The following IRF2BP1 variants were observed in gnomAD, a reference collection of about 807,000 sequenced individuals.
The protein encoded by IRF2BP1 is interferon regulatory factor 2 binding protein 1.
A neutral mutation model predicts 38.6 loss-of-function variants in IRF2BP1; 9 were observed. The ratio of observed to expected loss-of-function variants is 0.23; its 90% CI spans 0.14 to 0.41. The LOEUF is 0.41. Among genes scored for constraint, IRF2BP1 ranks in the 10% least tolerant of loss-of-function variants. The probability of loss-of-function intolerance (pLI) is 1.00; values close to 1 mark genes in which losing one functional copy is unlikely to be tolerated. For synonymous variants in IRF2BP1, 416 were observed against 383.4 expected (o/e 1.08, Z -0.99); for missense variants, 631 against 829.6 (o/e 0.76, Z 2.94).
In IRF2BP1 at chr19:45,884,373, G is replaced by A. The variant is rs768681350; in HGVS notation, c.1402C>T (p.Leu468Phe). 1 of 1,606,788 alleles carries A rather than the reference G, an allele frequency of 6.2e-7. No homozygotes were observed. The highest frequency in any genetic ancestry group is 2.2e-5 in the East Asian group (1 of 44,798). Residue 468 changes from leucine (L) to phenylalanine (F), a missense_variant, in exon 1 of 1, where the codon CTT becomes TTT. By Grantham distance (22) the Leu-to-Phe change is conservative. Transcript: ENST00000302165. ...STAQPPTQHR[L>F]VARNGEAEVS... ...TCTGCTTCGCCGTTGCGGGCCACAA[G>A]GCGATGCTGGGTTGGCGGCTGGGCC...
rs1270875208 is a variant in IRF2BP1 at position 45,885,863 on chromosome 19, G to A, written c.-89C>T. ...GCCAACGTTCGATCCGCGTCCCGGG[G>A]ACAGCGCGAGCCACGGTCCGGCCTC... On this transcript the variant is annotated 5_prime_UTR_variant, in exon 1 of 1. Transcript: ENST00000302165. 3 of 1,365,244 alleles carry A rather than the reference G, an allele frequency of 2.2e-6. No individual in the cohort carries two copies. The highest frequency in any genetic ancestry group is 3.0e-5 in the East Asian group (1 of 32,794). 84.6% of individuals were successfully genotyped at this position (1,365,244 alleles called of 1,614,324 possible). A position where few individuals can be genotyped will look rare whatever the true frequency, so the allele number is the denominator to read the frequency against.
Position 45,885,292 on chromosome 19 carries a change from C to G in IRF2BP1, c.483G>C (p.Leu161Phe). 6.2e-7 allele frequency: 1 copy of G among 1,603,750 alleles called. No homozygotes were observed. Among genetic ancestry groups the G allele is most frequent in the Non-Finnish European group, 8.5e-7 (1 of 1,179,892 alleles). The change falls in exon 1 of 1, where the codon TTG becomes TTC. Residue 161 changes from leucine to phenylalanine, a missense_variant. Leu to Phe is a conservative substitution (Grantham distance 22, BLOSUM62 0). Transcript: ENST00000302165. ...CAGCTGCCAGCAGCCCAGGGGGCAT[C>G]AAGCCAGGCATGGAGCCAAGCAAGG... Reference protein sequence around the residue: ...RRALLGSMPGLMPPGLLAAAV... With the variant: ...RRALLGSMPGFMPPGLLAAAV...
chr19:45,885,365 G>A lies in IRF2BP1; in HGVS notation c.410C>T (p.Ala137Val), dbSNP rs200902847. 6.1e-5 allele frequency: 98 copies of A among 1,608,770 alleles called. No homozygotes were observed. Among genetic ancestry groups the A allele is most frequent in the Non-Finnish European group, 7.1e-5 (84 of 1,179,536 alleles). Reference protein sequence around the residue: ...ALEYTLGSRLANGLGREEAVA... With the variant: ...ALEYTLGSRLVNGLGREEAVA... Reference sequence around the variant, plus strand: ...GGCCTCCTCACGGCCCAGCCCATTGGCCAGGCGGGACCCCAGAGTGTACTC... The same window carrying A: ...GGCCTCCTCACGGCCCAGCCCATTGACCAGGCGGGACCCCAGAGTGTACTC... The change falls in exon 1 of 1, where the codon GCC becomes GTC. Residue 137 changes from alanine (A) to valine (V), a missense_variant. Ala to Val is a moderately conservative substitution (Grantham distance 64, BLOSUM62 0). Around this residue, in one of 5 missense-constraint regions of IRF2BP1, gnomAD observed 206 missense variants for 207.0 expected, o/e 1.00. Transcript: ENST00000302165.
chr19:45,885,265 T>C lies in IRF2BP1; in HGVS notation c.510A>G (p.Ala170=), dbSNP rs1967039686. 1 of 1,603,114 alleles carries C rather than the reference T, an allele frequency of 6.2e-7. No homozygotes were observed. The highest frequency in any genetic ancestry group is 8.5e-7 in the Non-Finnish European group (1 of 1,179,894). Residue 170 remains alanine, a synonymous_variant, in exon 1 of 1, where the codon GCA becomes GCG. Coordinates refer to ENST00000302165, the MANE Select transcript of IRF2BP1 (RefSeq NM_015649.3). ...GLMPPGLLAA[A]VSGLGSRGLT... ...GGCCTCGGCTTCCCAGGCCAGACAC[T>C]GCAGCTGCCAGCAGCCCAGGGGGCA...
Position 45,884,440 on chromosome 19 carries a change from C to G in IRF2BP1, c.1335G>C (p.Gly445=). 1 of 1,595,794 alleles carries G rather than the reference C, an allele frequency of 6.3e-7. No homozygotes were observed. The highest frequency in any genetic ancestry group is 8.5e-7 in the Non-Finnish European group (1 of 1,176,736). The change falls in exon 1 of 1, where the codon GGG becomes GGC. Residue 445 remains glycine, a synonymous_variant. Coordinates refer to ENST00000302165, the MANE Select transcript of IRF2BP1 (RefSeq NM_015649.3). Reference sequence around the variant, plus strand: ...GGCTGGCGCCCCCTGCACGCACAGGCCCCCCGCCTCCGCCAGGGTCCTTGG... The same window carrying G: ...GGCTGGCGCCCCCTGCACGCACAGGGCCCCCGCCTCCGCCAGGGTCCTTGG... The part of the protein sequence containing the change: ...HSPKDPGGGG[G]PVRAGGASPA...
In IRF2BP1 at chr19:45,885,336, C is replaced by T. The variant is rs1427888130; in HGVS notation, c.439G>A (p.Ala147Thr). 2.5e-6 allele frequency: 4 copies of T among 1,607,238 alleles called. No individual in the cohort carries two copies. Among genetic ancestry groups the T allele is most frequent in the South Asian group, 1.1e-5 (1 of 91,034 alleles). The change falls in exon 1 of 1, where the codon GCT (alanine) becomes ACT (threonine). Residue 147 changes from alanine (A) to threonine (T), a missense_variant. Physicochemically the swap from Ala to Thr is moderately conservative, Grantham distance 58. Coordinates refer to ENST00000302165, the MANE Select transcript of IRF2BP1 (RefSeq NM_015649.3). ...AGCAAGGCCCTTCGCGCCCCCTCAG[C>T]CACGGCCTCCTCACGGCCCAGCCCA... ...ANGLGREEAV[A>T]EGARRALLGS...
rs551469691 is a variant in IRF2BP1 at position 45,884,530 on chromosome 19, C to G, written c.1245G>C (p.Glu415Asp). ...CAATGGGCGAGGGCACACCAGGGGT[C>G]TCAGCGGAGTACGGGCCGCCGGGTG... ...WVAPGGPYSA[E>D]TPGVPSPIAA... The change falls in exon 1 of 1, where the codon GAG becomes GAC. Residue 415 changes from glutamate to aspartate, a missense_variant. Transcript: ENST00000302165. The G allele has an allele frequency of 2.5e-5, 40 of 1,600,144 alleles. No individual in the cohort carries two copies. The South Asian group carries it at 3.8e-4, about 15-fold the overall frequency.
In IRF2BP1 at chr19:45,885,407, A is replaced by T; in HGVS notation, c.368T>A (p.Leu123Gln). The T allele has an allele frequency of 3.1e-6, 5 of 1,591,926 alleles. No individual in the cohort carries two copies. The highest frequency in any genetic ancestry group is 4.3e-6 in the Non-Finnish European group (5 of 1,169,594). The stretch of plus-strand genomic sequence containing the variant: ...AGTGTACTCCAGGGCGGGCGAGGGC[A>T]GGGGGAGGCGGCCTGATGATGTGGC... ...DRATSSGRLP[L>Q]PSPALEYTLG... Residue 123 changes from leucine (L) to glutamine (Q), a missense_variant, in exon 1 of 1, where the codon CTG becomes CAG. Leu to Gln is a moderately radical substitution (Grantham distance 113). Transcript: ENST00000302165.
Position 45,884,824 on chromosome 19 carries a change from T to C in IRF2BP1, c.951A>G (p.Glu317=), listed in dbSNP as rs1182877727. The change falls in exon 1 of 1, where the codon GAA becomes GAG. Residue 317 remains glutamate, a synonymous_variant. Coordinates refer to ENST00000302165, the MANE Select transcript of IRF2BP1 (RefSeq NM_015649.3). The part of the protein sequence containing the change: ...ALASSGFKYL[E]YERRHGSGEW... ...CTCCTGATCCATGCCGGCGTTCATA[T>C]TCGAGGTACTTGAAGCCCGAAGAAG... 3 of 1,612,782 alleles carry C rather than the reference T, an allele frequency of 1.9e-6. No individual in the cohort carries two copies. Among genetic ancestry groups the C allele is most frequent in the Non-Finnish European group, 1.7e-6 (2 of 1,180,026 alleles).
Position 45,885,384 on chromosome 19 carries a change from T to C in IRF2BP1, c.391A>G (p.Thr131Ala). 1.2e-6 allele frequency: 2 copies of C among 1,607,294 alleles called. No individual in the cohort carries two copies. Among genetic ancestry groups the C allele is most frequent in the Non-Finnish European group, 1.7e-6 (2 of 1,178,338 alleles). The change falls in exon 1 of 1, where the codon ACT becomes GCT. Residue 131 changes from threonine to alanine, a missense_variant. Physicochemically the swap from Thr to Ala is moderately conservative, Grantham distance 58 (BLOSUM62 0). Transcript: ENST00000302165. ...LPLPSPALEY[T>A]LGSRLANGLG... ...CCATTGGCCAGGCGGGACCCCAGAG[T>C]GTACTCCAGGGCGGGCGAGGGCAGG...
Position 45,884,160 on chromosome 19 carries a change from C to A in IRF2BP1, c.1615G>T (p.Gly539Cys). The A allele has an allele frequency of 1.2e-6, 2 of 1,613,194 alleles. No homozygotes were observed. Among genetic ancestry groups the A allele is most frequent in the Non-Finnish European group, 1.7e-6 (2 of 1,179,910 alleles). Residue 539 changes from glycine to cysteine, a missense_variant, in exon 1 of 1, where the codon GGC (glycine) becomes TGC (cysteine). This residue lies in a region of IRF2BP1 where 58 missense variants were observed against 108.4 expected (regional missense o/e 0.54). Coordinates refer to ENST00000302165, the MANE Select transcript of IRF2BP1 (RefSeq NM_015649.3). ...PCSREFIKAQ[G>C]PAGEVYCPSG... ...GGGCAGTACACCTCCCCGGCCGGGC[C>A]CTGCGCCTTGATGAACTCCCGGGAG...
Position 45,885,442 on chromosome 19 carries a change from G to A in IRF2BP1, c.333C>T (p.Arg111=). Residue 111 remains arginine (R), a synonymous_variant, in exon 1 of 1, where the codon CGC becomes CGT. Transcript: ENST00000302165. ...GGCCTGATGATGTGGCCCTGTCATA[G>A]CGGTCCTGGCCCGACACGCCGCCGC... ...GTGGGVSGQD[R]YDRATSSGRL... 1.3e-6 allele frequency: 2 copies of A among 1,543,352 alleles called. No homozygotes were observed. The highest frequency in any genetic ancestry group is 3.8e-5 in the Admixed American group (2 of 53,010).
rs774691121 is a variant in IRF2BP1 at position 45,884,164 on chromosome 19, C to A, written c.1611G>T (p.Ala537=). The A allele has an allele frequency of 5.6e-6, 9 of 1,613,112 alleles. No homozygotes were observed. The highest frequency in any genetic ancestry group is 1.7e-5 in the Admixed American group (1 of 60,012). Residue 537 remains alanine, a synonymous_variant, in exon 1 of 1, where the codon GCG becomes GCT. Transcript: ENST00000302165. ...CFPCSREFIK[A]QGPAGEVYCP... is the part of the protein sequence containing the mutation. ...AGTACACCTCCCCGGCCGGGCCCTGCGCCTTGATGAACTCCCGGGAGCAGG... is the reference window on the plus strand; with the variant it reads ...AGTACACCTCCCCGGCCGGGCCCTGAGCCTTGATGAACTCCCGGGAGCAGG...
In IRF2BP1 at chr19:45,884,623, G is replaced by T. The variant is rs751936891; in HGVS notation, c.1152C>A (p.Ser384=). 4 of 1,600,102 alleles carry T rather than the reference G, an allele frequency of 2.5e-6. No homozygotes were observed. The East Asian group carries it at 8.9e-5, about 36-fold the overall frequency. ...CAGCCGCCTCGCCCTCCGGCTCGGG[G>T]GATGCCTTGCGACGGCGCGGCGTGG... is the stretch of plus-strand genomic sequence containing the variant. ...LAPTPRRRKA[S]PEPEGEAAGK... The change falls in exon 1 of 1, where the codon TCC becomes TCA. Residue 384 remains serine (S), a synonymous_variant. Transcript: ENST00000302165.
chr19:45,883,654 CG>C lies in IRF2BP1; in HGVS notation c.*365del. 1 of 67,352 alleles carries C rather than the reference CG, an allele frequency of 1.5e-5. No homozygotes were observed. Among genetic ancestry groups the C allele is most frequent in the Admixed American group, 2.7e-4 (1 of 3,670 alleles). 4.2% of individuals were successfully genotyped at this position (67,352 alleles called of 1,614,324 possible). A position where few individuals can be genotyped will look rare whatever the true frequency, so the allele number is the denominator to read the frequency against. ...GGTTTATTGAAGGAGCAGAAGGGAG[CG>C]GGGGGTGGGGGGGTGGGAATTAAAT... On this transcript the variant is annotated 3_prime_UTR_variant, in exon 1 of 1. Coordinates refer to ENST00000302165, the MANE Select transcript of IRF2BP1 (RefSeq NM_015649.3).
rs757646626 is a variant in IRF2BP1, at chr19:45,884,396, G to A, written c.1379C>T (p.Ala460Val). The A allele has an allele frequency of 3.1e-6, 5 of 1,603,406 alleles. No homozygotes were observed. In the Admixed American group the frequency reaches 8.4e-5, roughly 27 times the overall value. Reference protein sequence around the residue: ...GGASPAASSTAQPPTQHRLVA... With the variant: ...GGASPAASSTVQPPTQHRLVA... ...AAGGCGATGCTGGGTTGGCGGCTGG[G>A]CCGTGGAGGAGGCTGCAGGGCTGGC... The change falls in exon 1 of 1, where the codon GCC becomes GTC. Residue 460 changes from alanine to valine, a missense_variant. By Grantham distance (64) the Ala-to-Val change is moderately conservative. This residue lies in a region of IRF2BP1 where 201 missense variants were observed against 215.3 expected (regional missense o/e 0.93). Coordinates refer to ENST00000302165, the MANE Select transcript of IRF2BP1 (RefSeq NM_015649.3).
chr19:45,884,019 C>T lies in IRF2BP1; in HGVS notation c.*1G>A, dbSNP rs375274283. On this transcript the variant is annotated 3_prime_UTR_variant, in exon 1 of 1. Coordinates refer to ENST00000302165, the MANE Select transcript of IRF2BP1 (RefSeq NM_015649.3). ...GGCAGTAGCCTGGAGGCAGTGGTAG[C>T]CTAGGGGTCCCGTTCTTTCTTAACT... is the stretch of plus-strand genomic sequence containing the variant. 9.8e-5 allele frequency: 153 copies of T among 1,556,560 alleles called. No homozygotes were observed. The highest frequency in any genetic ancestry group is 1.3e-4 in the Non-Finnish European group (144 of 1,145,816).
rs545000475 is a variant in IRF2BP1 at position 45,885,178 on chromosome 19, C to T, written c.597G>A (p.Glu199=). 5.5e-5 allele frequency: 88 copies of T among 1,609,856 alleles called. 1 individual carries two copies. The South Asian group carries it at 8.9e-4, about 16-fold the overall frequency. Residue 199 remains glutamate, a synonymous_variant, in exon 1 of 1, where the codon GAG becomes GAA. Transcript: ENST00000302165. ...RPLFGSDFEK[E]KQQRNADCLA... ...GACAGTCCGCATTCCTCTGCTGCTT[C>T]TCTTTCTCGAAATCGGAGCCGAAGA...
chr19:45,885,706 G>A lies in IRF2BP1; in HGVS notation c.69C>T (p.Ala23=), dbSNP rs1301713171. The change falls in exon 1 of 1, where the codon GCC becomes GCT. Residue 23 remains alanine (A), a synonymous_variant. Coordinates refer to ENST00000302165, the MANE Select transcript of IRF2BP1 (RefSeq NM_015649.3). ...CGGCCTCGCTGAAGTCCCACACCAT[G>A]GCCCACGGCATCTTGGGCAGGTCGC... ...YLCDLPKMPW[A]MVWDFSEAVC... 3.7e-5 allele frequency: 58 copies of A among 1,585,028 alleles called. No homozygotes were observed. The highest frequency in any genetic ancestry group is 4.9e-5 in the Non-Finnish European group (57 of 1,174,240).
Sources: allele counts gnomAD v4.1 joint callset, GRCh38; gene constraint gnomAD v4.1.1; regional missense constraint gnomAD v4.1.1; transcripts MANE v1.5; gene names NCBI Gene and HGNC (gene_info 2026-07-23, HGNC 2026-07-21).